TMA7: variants seen among roughly 807,000 people sequenced by gnomAD.
TMA7 encodes translation machinery-associated protein 7.
In TMA7, 5 loss-of-function variants were observed where a neutral mutation model predicts 12.5. The ratio of observed to expected loss-of-function variants is 0.40; its 90% CI spans 0.21 to 0.84. The LOEUF is 0.84. TMA7 is among the 40% of genes least tolerant of loss of function. The probability of loss-of-function intolerance (pLI) is 0.36; values close to 1 mark genes in which losing one functional copy is unlikely to be tolerated. For synonymous variants in TMA7, 36 were observed against 28.1 expected (o/e 1.28, Z -0.89); for missense variants, 71 against 75.4 (o/e 0.94, Z 0.22).
At position 48,440,319 on chromosome 3, in the gene TMA7, G is replaced by C; in HGVS notation, c.16+7G>C. The C allele has an allele frequency of 6.2e-7, 1 of 1,611,314 alleles. No homozygotes were observed. The highest frequency in any genetic ancestry group is 8.5e-7 in the Non-Finnish European group (1 of 1,179,394). ...GCCATGTCCGGCCGCGAAGGTAAGT[G>C]TTCCGGAACCGTGAGGACTGCGGGG... On this transcript the variant is annotated splice_region_variant and intron_variant, in intron 1 of 3. Transcript: ENST00000438607.
At chr3:48,440,353 G>C in intron 1 of TMA7, 41 bp downstream of exon 1, 1 of 1,611,934 alleles carries the variant, frequency 6.2e-7, no homozygotes, top group Non-Finnish European at 8.5e-7. Flanking sequence ...GGACGGCGGG[G>C]TGGGGACCGG....
chr3:48,443,293 A>AT (rs2039609140), intron 3 of TMA7, among the ~76,000 whole-genome samples: 1 of 150,034 alleles, frequency 6.7e-6, no homozygotes, highest in South Asian at 2.1e-4. Flanking sequence ...CACACCTGTA[A>AT]TCCCATCATT....
chr3:48,440,511 C>T (rs1467497595), intron 2 of TMA7, 30 bp from the exon 3 acceptor site: 1 of 1,606,526 alleles, frequency 6.2e-7, no homozygotes. Context: ...GGAGACAGGC[C>T]TGAGTTGAAC....
chr3:48,441,616 T>C (rs138369283), intron 3 of TMA7, among the ~76,000 whole-genome samples: 1 of 152,222 alleles, frequency 6.6e-6, no homozygotes, highest in Non-Finnish European at 1.5e-5. Context: ...TTGCTCCATA[T>C]GCTTTTCTAA....
At chr3:48,441,383 A>T (rs796118577) in intron 3 of TMA7, among the ~76,000 whole-genome samples, 1 of 150,716 alleles carries the variant, frequency 6.6e-6, no homozygotes, top group Non-Finnish European at 1.5e-5. Context: ...GAGTTTCACC[A>T]TGTTGGCCAA....
At position 48,443,375 on chromosome 3, in the gene TMA7, C is replaced by T. The variant is rs192895625; in HGVS notation, c.161-473C>T. Among the ~76,000 whole-genome samples the T allele has an allele frequency of 5.7e-4, 87 of 151,894 alleles. 3 individuals carry two copies. The East Asian group carries it at 0.012, about 21-fold the overall frequency. The stretch of plus-strand genomic sequence containing the variant: ...CCAGCCTGACCAATATGGTGAGCCC[C>T]GTCTCCACTAAAAATACAAAAATTA... On this transcript the variant is annotated intron_variant, in intron 3 of 3. Coordinates refer to ENST00000438607, the MANE Select transcript of TMA7 (RefSeq NM_015933.6).
At chr3:48,443,472 T>G (rs979329359) in intron 3 of TMA7, among the ~76,000 whole-genome samples, 1 of 151,218 alleles carries the variant, frequency 6.6e-6, no homozygotes, top group African/African-American at 2.4e-5. Flanking sequence ...AGGCAGAGGT[T>G]GCAGTGAGCT....
In TMA7 at chr3:48,443,986, GTGT is replaced by G; in HGVS notation, c.*108_*110del. ...TTTTGCCACGTATAGCTGGAATTAA[GTGT>G]TGTCTTGGAGCTGTTGTACATTTAA... On this transcript the variant is annotated 3_prime_UTR_variant, in exon 4 of 4. Transcript: ENST00000438607. 3 of 848,922 alleles carry G rather than the reference GTGT, an allele frequency of 3.5e-6. No homozygotes were observed. The highest frequency in any genetic ancestry group is 5.0e-6 in the Non-Finnish European group (3 of 603,740). The allele number at this position is 848,922 out of a possible 1,614,324, so 52.6% of individuals were successfully genotyped here.
chr3:48,440,269 A>T lies in TMA7; in HGVS notation c.-28A>T. 6.3e-7 allele frequency: 1 copy of T among 1,587,966 alleles called. No individual in the cohort carries two copies. On this transcript the variant is annotated 5_prime_UTR_variant, in exon 1 of 4. Coordinates refer to ENST00000438607, the MANE Select transcript of TMA7 (RefSeq NM_015933.6). Reference sequence around the variant, plus strand: ...GGGCAGACGCTCCGTTTCCGGTGGCAGGGTCTGGGGAAGCGGCGGCAGGCG... The same window carrying T: ...GGGCAGACGCTCCGTTTCCGGTGGCTGGGTCTGGGGAAGCGGCGGCAGGCG...
chr3:48,440,265 T>G lies in TMA7; in HGVS notation c.-32T>G, dbSNP rs781252946. ...GGTGGGGCAGACGCTCCGTTTCCGGTGGCAGGGTCTGGGGAAGCGGCGGCA... is the reference window on the plus strand; with the variant it reads ...GGTGGGGCAGACGCTCCGTTTCCGGGGGCAGGGTCTGGGGAAGCGGCGGCA... On this transcript the variant is annotated 5_prime_UTR_variant, in exon 1 of 4. Coordinates refer to ENST00000438607, the MANE Select transcript of TMA7 (RefSeq NM_015933.6). 6.3e-7 allele frequency: 1 copy of G among 1,584,124 alleles called. No individual in the cohort carries two copies. The highest frequency in any genetic ancestry group is 8.6e-7 in the Non-Finnish European group (1 of 1,165,424).
intron 3 of TMA7, among the ~76,000 whole-genome samples, chr3:48,442,331 T>G (rs1013846839): frequency 6.6e-6 from 1 of 151,912 alleles, no homozygotes; most frequent in African/African-American, 2.4e-5. Context: ...GAAAGAACAG[T>G]CTTTAGTGTA....
rs375880978 is a variant in TMA7, at chr3:48,443,936, C to T, written c.*54C>T. The T allele has an allele frequency of 7.7e-7, 1 of 1,293,736 alleles. No homozygotes were observed. Among genetic ancestry groups the T allele is most frequent in the Non-Finnish European group, 1.0e-6 (1 of 971,320 alleles). The allele number at this position is 1,293,736 out of a possible 1,614,324, so 80.1% of individuals were successfully genotyped here. ...ACCCTTTATTTCATCTGTATTTAAA[C>T]CTCTCTATTCCCTGCCATAACATCT... On this transcript the variant is annotated 3_prime_UTR_variant, in exon 4 of 4. Coordinates refer to ENST00000438607, the MANE Select transcript of TMA7 (RefSeq NM_015933.6).
Position 48,443,839 on chromosome 3 carries a change from C to A in TMA7, c.161-9C>A. 6.4e-7 allele frequency: 1 copy of A among 1,558,506 alleles called. No individual in the cohort carries two copies. Among genetic ancestry groups the A allele is most frequent in the Non-Finnish European group, 8.6e-7 (1 of 1,158,608 alleles). On this transcript the variant is annotated splice_polypyrimidine_tract_variant and intron_variant, in intron 3 of 3. Transcript: ENST00000438607. Reference sequence around the variant, plus strand: ...TTTTTCCCTAATTGTGACTATTTTTCTTTTGCAGCCACAGGTGGAATTAAG... The same window carrying A: ...TTTTTCCCTAATTGTGACTATTTTTATTTTGCAGCCACAGGTGGAATTAAG...
rs2039594756 is a variant in TMA7 at position 48,442,529 on chromosome 3, G to A, written c.161-1319G>A. 2.0e-5 allele frequency among the ~76,000 whole-genome samples: 3 copies of A among 147,568 alleles called. No individual in the cohort carries two copies. In the South Asian group the frequency reaches 6.3e-4, roughly 31 times the overall value. On this transcript the variant is annotated intron_variant, in intron 3 of 3. Transcript: ENST00000438607. The stretch of plus-strand genomic sequence containing the variant: ...TGCAGTGGCATGATCTCAGCTCACT[G>A]CAGCCTCCGCCTCCCAGGTTCAAGT...
Position 48,440,392 on chromosome 3 carries a change from G to A in TMA7, c.17-11G>A. On this transcript the variant is annotated splice_polypyrimidine_tract_variant and intron_variant, in intron 1 of 3. Coordinates refer to ENST00000438607, the MANE Select transcript of TMA7 (RefSeq NM_015933.6). ...GCAGGGGCAGGCCGAACGTGCTCGTGTCGCCCACAGGTGGCAAGAAGAAGC... is the reference window on the plus strand; with the variant it reads ...GCAGGGGCAGGCCGAACGTGCTCGTATCGCCCACAGGTGGCAAGAAGAAGC... 2 of 1,611,860 alleles carry A rather than the reference G, an allele frequency of 1.2e-6. No homozygotes were observed. Among genetic ancestry groups the A allele is most frequent in the South Asian group, 2.2e-5 (2 of 91,074 alleles).
intron 3 of TMA7, 150 bp downstream of exon 3, chr3:48,440,778 G>A (rs373854554): frequency 3.8e-5 from 27 of 714,992 alleles, no homozygotes; most frequent in East Asian, 2.4e-4. Context: ...GCCAGTCTAG[G>A]ATTTGCAGCG....
chr3:48,440,991 C>G (rs1038886312), intron 3 of TMA7: 2 of 315,460 alleles, frequency 6.3e-6, no homozygotes, highest in African/African-American at 4.4e-5. Flanking sequence ...GTGTTTGAAC[C>G]TTACTTGACT....
At chr3:48,440,717 C>A in intron 3 of TMA7, 89 bp downstream of exon 3, 1 of 1,199,056 alleles carries the variant, frequency 8.3e-7, no homozygotes, top group Non-Finnish European at 1.2e-6. Flanking sequence ...TTCCTGCCTC[C>A]TGAACTGCGA....
rs1489303101 is a variant in TMA7 at position 48,440,621 on chromosome 3, G to A, written c.153G>A (p.Gly51=). Residue 51 remains glycine (G), a synonymous_variant, in exon 3 of 4, where the codon GGG becomes GGA. Transcript: ENST00000438607. ...TAAAAGCGAAGGCCGCGGGGAAGGG[G>A]CCCTTGGGTAAGTGGGGGCCGAATG... is the stretch of plus-strand genomic sequence containing the variant. ...EELKAKAAGK[G]PLATGGIKKS... 1 of 1,611,072 alleles carries A rather than the reference G, an allele frequency of 6.2e-7. No individual in the cohort carries two copies. The highest frequency in any genetic ancestry group is 1.3e-5 in the African/African-American group (1 of 74,826).
Sources: allele counts gnomAD v4.1 joint callset (sites outside exome capture counted in the v4.1 genomes callset), GRCh38; gene constraint gnomAD v4.1.1; transcripts MANE v1.5; gene names NCBI Gene and HGNC (gene_info 2026-07-23, HGNC 2026-07-21).